Variants in MALRD1 observed in about 807,000 individuals in gnomAD.
MALRD1 encodes MAM and LDL-receptor class A domain-containing protein 1.
A neutral mutation model predicts 242.1 loss-of-function variants in MALRD1; 247 were observed. The observed-to-expected ratio is 1.02, with a 90% CI of 0.92 to 1.13. The LOEUF is 1.13. Among genes scored for constraint, MALRD1 ranks in the 50% most tolerant of loss-of-function variants. MALRD1 has a pLI of 0.00. For missense variants in MALRD1, 2,989 were observed against 2,533.1 expected (o/e 1.18, Z -3.86); for synonymous variants, 995 against 866.6 (o/e 1.15, Z -2.60).
chr10:19,223,630 C>T (rs1015242681), intron 18 of MALRD1, among the ~76,000 whole-genome samples: 1 of 152,002 alleles, frequency 6.6e-6, no homozygotes, highest in African/African-American at 2.4e-5. Context: ...CATGTGCTGT[C>T]GTGGTTTGCT....
intron 36 of MALRD1, among the ~76,000 whole-genome samples, chr10:19,691,211 G>T (rs1380863016): frequency 6.6e-6 from 1 of 152,024 alleles, no homozygotes; most frequent in Non-Finnish European, 1.5e-5. Flanking sequence ...TTGCAGAAAC[G>T]TTAAAACAAT....
chr10:19,253,064 C>T (rs910701223), intron 18 of MALRD1, among the ~76,000 whole-genome samples: 1 of 151,904 alleles, frequency 6.6e-6, no homozygotes, highest in Non-Finnish European at 1.5e-5. Flanking sequence ...TTACTTAACA[C>T]CTTAGGTGTT....
intron 31 of MALRD1, among the ~76,000 whole-genome samples, chr10:19,507,568 CAA>C (rs1266640993): frequency 4.6e-5 from 7 of 151,762 alleles, no homozygotes; most frequent in Non-Finnish European, 1.0e-4. Context: ...TGAAACATAA[CAA>C]AGAATATGAT....
At chr10:19,406,132 C>A (rs909416648) in intron 28 of MALRD1, among the ~76,000 whole-genome samples, 3 of 152,068 alleles carry the variant, frequency 2.0e-5, no homozygotes, top group African/African-American at 7.2e-5. Flanking sequence ...GTTTTCAGGG[C>A]CACCAAATGC....
chr10:19,293,161 C>G (rs1285224012), intron 21 of MALRD1, among the ~76,000 whole-genome samples: 1 of 152,106 alleles, frequency 6.6e-6, no homozygotes, highest in Non-Finnish European at 1.5e-5. Context: ...TAATTTCTAA[C>G]AGATCAAGAC....
At chr10:19,606,035 C>A (rs752339293) in intron 34 of MALRD1, among the ~76,000 whole-genome samples, 2 of 152,048 alleles carry the variant, frequency 1.3e-5, no homozygotes, top group Non-Finnish European at 2.9e-5. Flanking sequence ...AATGGAGATA[C>A]ATATTCTTAA....
In MALRD1 at chr10:19,123,610, G is replaced by A. The variant is rs147119616; in HGVS notation, c.796+17G>A. 4 of 1,206,566 alleles carry A rather than the reference G, an allele frequency of 3.3e-6. 1 individual carries two copies. In the East Asian group the frequency reaches 1.3e-4, roughly 38 times the overall value. 74.7% of individuals were successfully genotyped at this position (1,206,566 alleles called of 1,614,324 possible). On this transcript the variant is annotated intron_variant, in intron 6 of 39. Transcript: ENST00000454679. ...AGTTGAGATGTAAGTGTTAAATTGAGATATTCACTTTTCTGGTATATATGC... is the reference window on the plus strand; with the variant it reads ...AGTTGAGATGTAAGTGTTAAATTGAAATATTCACTTTTCTGGTATATATGC...
chr10:19,051,940 A>C (rs865925579), intron 1 of MALRD1: 160 of 195,928 alleles, frequency 8.2e-4, no homozygotes, highest in African/African-American at 3.0e-3. Flanking sequence ...AAAAAAAAAA[A>C]AAAAAAAAAA....
intron 31 of MALRD1, among the ~76,000 whole-genome samples, chr10:19,523,642 A>C (rs182559953): frequency 2.3e-4 from 35 of 152,288 alleles, no homozygotes; most frequent in Middle Eastern, 3.4e-3. Context: ...GAGATTCAGA[A>C]TCTCTTGTCT....
chr10:19,226,349 AC>A (rs1300463688), intron 18 of MALRD1, among the ~76,000 whole-genome samples: 4 of 152,214 alleles, frequency 2.6e-5, no homozygotes, highest in Non-Finnish European at 5.9e-5. Context: ...TTATGTGTTT[AC>A]AAAAAATCTA....
chr10:19,240,824 A>G (rs1838731810), intron 18 of MALRD1, among the ~76,000 whole-genome samples: 1 of 151,978 alleles, frequency 6.6e-6, no homozygotes, highest in Non-Finnish European at 1.5e-5. Context: ...AAATGATCAC[A>G]TGGTTTTTGT....
intron 25 of MALRD1, among the ~76,000 whole-genome samples, chr10:19,349,942 G>A (rs1844300123): frequency 6.6e-6 from 1 of 152,066 alleles, no homozygotes; most frequent in African/African-American, 2.4e-5. Context: ...ATCTGTGTGA[G>A]AATAATGAAG....
At chr10:19,184,794 C>A (rs1181784594) in intron 14 of MALRD1, among the ~76,000 whole-genome samples, 1 of 152,146 alleles carries the variant, frequency 6.6e-6, no homozygotes, top group African/African-American at 2.4e-5. Flanking sequence ...GTGATCCACT[C>A]GCCTTGGCCT....
chr10:19,568,701 T>C (rs1429191472), intron 33 of MALRD1, among the ~76,000 whole-genome samples: 1 of 152,110 alleles, frequency 6.6e-6, no homozygotes, highest in Non-Finnish European at 1.5e-5. Flanking sequence ...ATATATATTC[T>C]AGATCATCAA....
chr10:19,190,323 C>T (rs2131583217), intron 14 of MALRD1, among the ~76,000 whole-genome samples: 1 of 152,148 alleles, frequency 6.6e-6, no homozygotes, highest in East Asian at 1.9e-4. Context: ...AATGAAAAGA[C>T]ATTCCATGTT....
At chr10:19,178,042 C>T (rs529888168) in intron 14 of MALRD1, among the ~76,000 whole-genome samples, 6 of 152,228 alleles carry the variant, frequency 3.9e-5, no homozygotes, top group African/African-American at 1.4e-4. Context: ...CTTTCCTGAG[C>T]TCTTACCGAG....
At chr10:19,675,887 G>A (rs942478412) in intron 36 of MALRD1, among the ~76,000 whole-genome samples, 4 of 152,186 alleles carry the variant, frequency 2.6e-5, no homozygotes, top group Admixed American at 1.3e-4. Flanking sequence ...TGTCATAAGA[G>A]TTTGCTGGGT....
At chr10:19,456,770 T>TATTA (rs2131074702) in intron 29 of MALRD1, among the ~76,000 whole-genome samples, 2 of 149,152 alleles carry the variant, frequency 1.3e-5, no homozygotes, top group African/African-American at 5.0e-5. Flanking sequence ...TTTATTTATT[T>TATTA]ATTTATTTAT....
At chr10:19,474,020 C>T (rs1836616849) in intron 29 of MALRD1, among the ~76,000 whole-genome samples, 1 of 152,112 alleles carries the variant, frequency 6.6e-6, no homozygotes, top group East Asian at 1.9e-4. Flanking sequence ...TCGTAGTAGT[C>T]ATTCCCATGA....
Sources: allele counts gnomAD v4.1 joint callset (sites outside exome capture counted in the v4.1 genomes callset), GRCh38; gene constraint gnomAD v4.1.1; transcripts MANE v1.5; gene names NCBI Gene and HGNC (gene_info 2026-07-23, HGNC 2026-07-21).